Variants in LRRTM4 observed in about 807,000 individuals in gnomAD.
LRRTM4 encodes leucine rich repeat transmembrane neuronal 4, also known as leucine-rich repeat transmembrane neuronal protein 4.
In LRRTM4, 25 loss-of-function variants were observed where a neutral mutation model predicts 47.6. The ratio of observed to expected loss-of-function variants is 0.53; its 90% confidence interval spans 0.38 to 0.73. The LOEUF is 0.73. LRRTM4 is among the 30% of genes least tolerant of loss of function. The pLI, the probability that LRRTM4 is intolerant of heterozygous loss-of-function variation, is 0.00. For missense variants in LRRTM4, 638 were observed against 713.4 expected (o/e 0.89, Z 1.20); for synonymous variants, 311 against 269.5 (o/e 1.15, Z -1.51).
chr2:76,787,591 G>A (rs886524771), intron 3 of LRRTM4, among the ~76,000 whole-genome samples: 20 of 151,458 alleles, frequency 1.3e-4, no homozygotes, highest in African/African-American at 4.6e-4. Context: ...TTTTTTTAGT[G>A]TTTTGGTTAA....
chr2:77,415,600 C>T (rs1339491661), intron 3 of LRRTM4, among the ~76,000 whole-genome samples: 1 of 152,158 alleles, frequency 6.6e-6, no homozygotes, highest in Non-Finnish European at 1.5e-5. Flanking sequence ...CATTCTACTG[C>T]TCCCATCTAT....
intron 3 of LRRTM4, among the ~76,000 whole-genome samples, chr2:77,456,012 T>C (rs1318989272): frequency 6.6e-6 from 1 of 152,146 alleles, no homozygotes; most frequent in Non-Finnish European, 1.5e-5. Flanking sequence ...CTCTCTGTAA[T>C]TAGTGTGCAC....
chr2:77,336,313 G>GAAGGAAGGAAGA (rs1671167596), intron 3 of LRRTM4, among the ~76,000 whole-genome samples: 4 of 151,602 alleles, frequency 2.6e-5, no homozygotes, highest in Admixed American at 2.6e-4. Context: ...AGGAAAGAAG[G>GAAGGAAGGAAGA]AAGGAAGGAA....
chr2:77,184,073 A>G (rs1673432244), intron 3 of LRRTM4, among the ~76,000 whole-genome samples: 1 of 152,126 alleles, frequency 6.6e-6, no homozygotes, highest in South Asian at 2.1e-4. Flanking sequence ...CCTAAAACTT[A>G]AAAGTATAAT....
At chr2:77,134,396 T>C (rs914031903) in intron 3 of LRRTM4, among the ~76,000 whole-genome samples, 1 of 152,194 alleles carries the variant, frequency 6.6e-6, no homozygotes, top group Non-Finnish European at 1.5e-5. Context: ...AACATATTTA[T>C]ACACTTTTTT....
intron 3 of LRRTM4, among the ~76,000 whole-genome samples, chr2:77,438,393 ATTT>A (rs70956631): frequency 1.7e-3 from 169 of 100,072 alleles, no homozygotes; most frequent in Middle Eastern, 5.8e-3. Context: ...GATCATGATA[ATTT>A]TTTTTTTTTT....
chr2:76,907,120 G>C (rs1015283329), intron 3 of LRRTM4, among the ~76,000 whole-genome samples: 1 of 151,404 alleles, frequency 6.6e-6, no homozygotes, highest in Non-Finnish European at 1.5e-5. Context: ...AAATGTAAAA[G>C]AACAGAAATT....
intron 3 of LRRTM4, among the ~76,000 whole-genome samples, chr2:77,459,639 G>A (rs1270126739): frequency 6.6e-6 from 1 of 151,674 alleles, no homozygotes; most frequent in Non-Finnish European, 1.5e-5. Context: ...CATATCTAAT[G>A]TCAAGCCCAG....
chr2:76,819,212 T>C (rs905328243), intron 3 of LRRTM4, among the ~76,000 whole-genome samples: 18 of 151,300 alleles, frequency 1.2e-4, no homozygotes, highest in Non-Finnish European at 2.4e-4. Context: ...GCCATGTTAT[T>C]ATGTGCCTTA....
rs538141087 is a variant in LRRTM4, at chr2:76,884,983, G to C, written c.1552-136067C>G. Among the ~76,000 whole-genome samples the C allele has an allele frequency of 3.3e-5, 5 of 152,138 alleles. No individual in the cohort carries two copies. The East Asian group carries it at 9.7e-4, about 29-fold the overall frequency. On this transcript the variant is annotated intron_variant, in intron 3 of 3. Coordinates refer to ENST00000409884, the MANE Select transcript of LRRTM4 (RefSeq NM_001134745.3). ...AAAGCTTGCAATATGATGGTAAGCA[G>C]AATTGCATTATATAAAGTATATGTA...
intron 3 of LRRTM4, among the ~76,000 whole-genome samples, chr2:77,413,835 T>C (rs1032692723): frequency 7.3e-5 from 8 of 109,112 alleles, no homozygotes; most frequent in African/African-American, 2.4e-4. Context: ...TATTTCTGTC[T>C]AGTTTTATAC....
At chr2:77,434,311 T>C (rs1675504511) in intron 3 of LRRTM4, among the ~76,000 whole-genome samples, 1 of 149,146 alleles carries the variant, frequency 6.7e-6, no homozygotes, top group African/African-American at 2.5e-5. Context: ...ACCAGGAAAA[T>C]AAAAATGCTG....
In LRRTM4 at chr2:77,432,832, T is replaced by C. The variant is rs185169286; in HGVS notation, c.1551+85486A>G. On this transcript the variant is annotated intron_variant, in intron 3 of 3. Coordinates refer to ENST00000409884, the MANE Select transcript of LRRTM4 (RefSeq NM_001134745.3). The stretch of plus-strand genomic sequence containing the variant: ...TGTTTCAGTCTAGCTGAAACAGATA[T>C]GTAAACAAGAGAAATGTAAACAGGA... Among the ~76,000 whole-genome samples the C allele has an allele frequency of 3.6e-3, 546 of 152,342 alleles. 9 individuals carry two copies. The highest frequency in any genetic ancestry group is 0.012 in the African/African-American group (499 of 41,594).
chr2:77,163,495 G>A (rs1034201167), intron 3 of LRRTM4, among the ~76,000 whole-genome samples: 2 of 152,100 alleles, frequency 1.3e-5, no homozygotes, highest in Non-Finnish European at 2.9e-5. Flanking sequence ...GATACTCCTC[G>A]AGAAGAGCAA....
At position 77,243,422 on chromosome 2, in the gene LRRTM4, AAATAAAAAAAAT is replaced by A. The variant is rs1266710324; in HGVS notation, c.1551+274884_1551+274895del. On this transcript the variant is annotated intron_variant, in intron 3 of 3. Transcript: ENST00000409884. Reference sequence around the variant, plus strand: ...CGAAACTCCGTCTCAAAATAAAAAAAAATAAAAAAAATAAAAAAAAAAGATAAATACTATCTG... The same window carrying A: ...CGAAACTCCGTCTCAAAATAAAAAAAAAAAAAAAAAGATAAATACTATCTG... 2.0e-4 allele frequency among the ~76,000 whole-genome samples: 10 copies of A among 50,740 alleles called. 2 individuals carry two copies. The highest frequency in any genetic ancestry group is 5.0e-4 in the Admixed American group (2 of 3,992). 33.3% of individuals were successfully genotyped at this position (50,740 alleles called of 152,430 possible). A position where few individuals can be genotyped will look rare whatever the true frequency, so the allele number is the denominator to read the frequency against.
chr2:77,410,254 T>C (rs1394649794), intron 3 of LRRTM4, among the ~76,000 whole-genome samples: 1 of 152,154 alleles, frequency 6.6e-6, no homozygotes, highest in African/African-American at 2.4e-5. Context: ...AACTTTTTCA[T>C]GTCAGGTGTA....
chr2:77,081,291 C>CAT (rs1553383993), intron 3 of LRRTM4, among the ~76,000 whole-genome samples: 2,910 of 146,258 alleles, frequency 0.02, 37 homozygotes, highest in Non-Finnish European at 0.027. Context: ...CACACACACA[C>CAT]ATAAATTTGT....
intron 3 of LRRTM4, among the ~76,000 whole-genome samples, chr2:76,807,445 C>CATATATATATATACATATATACAT (rs1670541619): frequency 1.4e-5 from 1 of 69,308 alleles, no homozygotes; most frequent in Non-Finnish European, 2.4e-5. Context: ...TACGTATATA[C>CATATATATATATACATATATACAT]ATATATATAT....
chr2:76,921,971 C>T (rs1376725965), intron 3 of LRRTM4, among the ~76,000 whole-genome samples: 1 of 151,988 alleles, frequency 6.6e-6, no homozygotes, highest in African/African-American at 2.4e-5. Context: ...CAGCATTATT[C>T]ACAATAAACA....
Sources: allele counts gnomAD v4.1 joint callset (sites outside exome capture counted in the v4.1 genomes callset), GRCh38; gene constraint gnomAD v4.1.1; transcripts MANE v1.5; gene names NCBI Gene and HGNC (gene_info 2026-07-23, HGNC 2026-07-21).